Variants in TSGA10IP observed in about 807,000 individuals in gnomAD.
TSGA10IP encodes the protein testis specific 10 interacting protein.
TSGA10IP carries 64 observed loss-of-function variants against 63.2 expected under a neutral mutation model. The ratio of observed to expected loss-of-function variants is 1.01; its 90% CI spans 0.83 to 1.25. The LOEUF is 1.25. TSGA10IP is among the 50% of genes most tolerant of loss of function. TSGA10IP has a pLI of 0.00. For missense variants in TSGA10IP, 681 were observed against 710.1 expected, an observed-to-expected ratio of 0.96 and a Z score of 0.47; for synonymous variants, 316 against 298.3, an observed-to-expected ratio of 1.06 and a Z score of -0.61.
intron 1 of TSGA10IP, among the ~76,000 whole-genome samples, chr11:65,946,505 C>G (rs1177529741): frequency 1.3e-5 from 2 of 152,102 alleles, no homozygotes; most frequent in Admixed American, 6.6e-5. Context: ...AATCTCGGCT[C>G]ACTGCAGCCT....
At chr11:65,947,950 G>C in intron 3 of TSGA10IP, 51 bp from the exon 4 acceptor site, 1 of 1,532,376 alleles carries the variant, frequency 6.5e-7, no homozygotes. Context: ...GGCGTTGCCT[G>C]GTGGGCTGAG....
intron 5 of TSGA10IP, among the ~76,000 whole-genome samples, chr11:65,958,234 C>T (rs1855057897): frequency 6.6e-6 from 1 of 152,220 alleles, no homozygotes; most frequent in African/African-American, 2.4e-5. Flanking sequence ...TGCGAGCCAC[C>T]ACGCCTGGCC....
Position 65,954,936 on chromosome 11 carries a change from G to A in TSGA10IP, c.1322+1199G>A, listed in dbSNP as rs150137370. ...ATACCTAGTCACAAAATACTGGTGAGGTCAGGTATGCAAAGGTGGACCTGT... is the reference window on the plus strand; with the variant it reads ...ATACCTAGTCACAAAATACTGGTGAAGTCAGGTATGCAAAGGTGGACCTGT... On this transcript the variant is annotated intron_variant, in intron 5 of 7. Transcript: ENST00000532620. 6.6e-3 allele frequency among the ~76,000 whole-genome samples: 1,000 copies of A among 152,324 alleles called. 6 individuals carry two copies. Among genetic ancestry groups the A allele is most frequent in the African/African-American group, 0.022 (915 of 41,566 alleles).
intron 7 of TSGA10IP, 128 bp from the exon 8 acceptor site, chr11:65,959,689 G>C: frequency 7.6e-7 from 1 of 1,320,666 alleles, no homozygotes; most frequent in Non-Finnish European, 1.0e-6. Flanking sequence ...GACTCGAGAA[G>C]AGTCACTTTG....
intron 3 of TSGA10IP, 83 bp downstream of exon 3, chr11:65,947,911 C>A: frequency 6.6e-7 from 1 of 1,507,306 alleles, no homozygotes. Flanking sequence ...GGGGCTCAGG[C>A]AGGCTGGGCT....
chr11:65,954,968 C>T (rs1485827067), intron 5 of TSGA10IP, among the ~76,000 whole-genome samples: 2 of 152,208 alleles, frequency 1.3e-5, no homozygotes, highest in Admixed American at 6.5e-5. Context: ...CTGTGGTGGG[C>T]GCATGCGCTC....
At position 65,959,264 on chromosome 11, in the gene TSGA10IP, G is replaced by C. The variant is rs373566789; in HGVS notation, c.1497G>C (p.Leu499=). Residue 499 remains leucine (L), a synonymous_variant, in exon 7 of 8, where the codon CTG becomes CTC. Coordinates refer to ENST00000532620, the Ensembl canonical transcript of TSGA10IP. ...CACTGGGGCTGGATGAGGAGCAGCT[G>C]CTGTCTGAGGCAGGAAAGGTGGACA... is the stretch of plus-strand genomic sequence containing the variant. 3 of 1,610,744 alleles carry C rather than the reference G, an allele frequency of 1.9e-6. No homozygotes were observed. In the African/African-American group the frequency reaches 4.0e-5, roughly 22 times the overall value.
rs1854858252 is a variant in TSGA10IP at position 65,947,447 on chromosome 11, GGATCGGCGTCC to G, written c.625_635del (p.Ser209GlnfsTer11). 6.2e-7 allele frequency: 1 copy of G among 1,613,564 alleles called. No homozygotes were observed. The highest frequency in any genetic ancestry group is 1.3e-5 in the African/African-American group (1 of 74,934). On this transcript the variant is annotated frameshift_variant, in exon 3 of 8. Transcript: ENST00000532620. LOFTEE classifies it high-confidence loss of function. ...GCTGCCTGGGAGGAGGCCAGGATCA[GGATCGGCGTCC>G]GACAAGCAGGTCCAGCTGCAAAGCC...
chr11:65,947,855 T>C, intron 3 of TSGA10IP, 27 bp downstream of exon 3: 1 of 1,524,326 alleles, frequency 6.6e-7, no homozygotes, highest in South Asian at 1.2e-5. Flanking sequence ...GAGCCTGGAT[T>C]CCCCCGAAGC....
chr11:65,959,009 T>C, intron 6 of TSGA10IP, 27 bp downstream of exon 6: 1 of 1,609,428 alleles, frequency 6.2e-7, no homozygotes, highest in Non-Finnish European at 8.5e-7. Context: ...GGCAAGCACA[T>C]AGCTGCCCCC....
At chr11:65,947,390 G>A (rs1468832616) in exon 3 of TSGA10IP, 1 of 1,613,072 alleles carries the variant, frequency 6.2e-7, no homozygotes, top group Admixed American at 1.7e-5. Flanking sequence ...TGGCAAAGGG[G>A]AGCTAGGATC....
intron 5 of TSGA10IP, 120 bp from the exon 6 acceptor site, chr11:65,958,762 CT>C (rs1238842858): frequency 4.8e-5 from 37 of 774,110 alleles, no homozygotes; most frequent in Admixed American, 1.4e-4. Context: ...AATGAAATAG[CT>C]TTGTAAAGGT....
intron 4 of TSGA10IP, among the ~76,000 whole-genome samples, chr11:65,950,759 T>A (rs550173339): frequency 8.3e-4 from 127 of 152,224 alleles, no homozygotes; most frequent in Non-Finnish European, 9.4e-4. Context: ...AGATGGGGTT[T>A]CACTGTGTTA....
At chr11:65,958,238 C>G (rs1459857353) in intron 5 of TSGA10IP, among the ~76,000 whole-genome samples, 1 of 152,198 alleles carries the variant, frequency 6.6e-6, no homozygotes, top group Non-Finnish European at 1.5e-5. Context: ...AGCCACCACG[C>G]CTGGCCAAAT....
intron 5 of TSGA10IP, among the ~76,000 whole-genome samples, chr11:65,957,397 C>T (rs1855043122): frequency 6.6e-6 from 1 of 152,190 alleles, no homozygotes; most frequent in South Asian, 2.1e-4. Flanking sequence ...GATCTGCCCG[C>T]CTCGGCCAGC....
chr11:65,950,697 G>T (rs1480275412), intron 4 of TSGA10IP, among the ~76,000 whole-genome samples: 3 of 152,036 alleles, frequency 2.0e-5, no homozygotes, highest in Admixed American at 2.0e-4. Flanking sequence ...TGAGTAGCTG[G>T]GACTACAGGC....
exon 7 of TSGA10IP, chr11:65,959,279 A>C: frequency 6.2e-7 from 1 of 1,611,152 alleles, no homozygotes; most frequent in Non-Finnish European, 8.5e-7. Flanking sequence ...CTGAGGCAGG[A>C]AAGGTGGACA....
At chr11:65,959,050 C>A in intron 6 of TSGA10IP, 68 bp downstream of exon 6, 1 of 1,584,736 alleles carries the variant, frequency 6.3e-7, no homozygotes, top group Admixed American at 1.7e-5. Flanking sequence ...GGTAGGGAAG[C>A]AGGATGCGAG....
exon 6 of TSGA10IP, chr11:65,958,920 G>C: frequency 6.2e-7 from 1 of 1,613,212 alleles, no homozygotes; most frequent in Non-Finnish European, 8.5e-7. Context: ...GTACCAGGCG[G>C]AGCTGCAAGG....
Sources: gnomAD v4.1 joint callset for allele counts (sites outside exome capture counted in the v4.1 genomes callset) on GRCh38, gnomAD v4.1.1 for gene constraint, MANE v1.5 for transcripts, NCBI Gene and HGNC (gene_info 2026-07-23, HGNC 2026-07-21) for gene names.